KIAA2012: variants seen among roughly 807,000 people sequenced by gnomAD.
KIAA2012 encodes the protein KIAA2012.
Under a neutral mutation model 150.6 loss-of-function variants are expected in KIAA2012, and 125 were observed. The ratio of observed to expected loss-of-function variants is 0.83; its 90% CI spans 0.72 to 0.96. KIAA2012 has a LOEUF of 0.96. Ranked by LOEUF, KIAA2012 falls within the 40% of genes least tolerant of loss-of-function variation. The probability of loss-of-function intolerance (pLI) is 0.00; values close to 1 mark genes in which losing one functional copy is unlikely to be tolerated. For synonymous variants in KIAA2012, 462 were observed against 504.7 expected, an observed-to-expected ratio of 0.92 and a Z score of 1.13; for missense variants, 1,219 against 1,354.9, an observed-to-expected ratio of 0.90 and a Z score of 1.57.
In KIAA2012 at chr2:202,104,608, G is replaced by A. The variant is rs1198034128; in HGVS notation, c.1325-1153G>A. ...AATTCAGCCAGCTCTGCAGCATAGG[G>A]GCTATCCCTTGCTGTCTGGTACTGG... On this transcript the variant is annotated intron_variant, in intron 8 of 23. Transcript: ENST00000498697. This position sits in a 1 kb window ranked among gnomAD's most constrained non-coding sequence, Gnocchi z 4.3. Among the ~76,000 whole-genome samples, 1 of 152,198 alleles carries A rather than the reference G, an allele frequency of 6.6e-6. No individual in the cohort carries two copies. The highest frequency in any genetic ancestry group is 6.5e-5 in the Admixed American group (1 of 15,286).
chr2:202,084,942 G>T (rs192475147), intron 2 of KIAA2012, among the ~76,000 whole-genome samples: 1 of 152,154 alleles, frequency 6.6e-6, no homozygotes, highest in Admixed American at 6.5e-5. Flanking sequence ...TTTCCATCAT[G>T]ACTATACACA....
At chr2:202,182,599 A>G (rs1692143929) in intron 15 of KIAA2012, among the ~76,000 whole-genome samples, 1 of 152,200 alleles carries the variant, frequency 6.6e-6, no homozygotes, top group African/African-American at 2.4e-5. Context: ...GACCATTACA[A>G]ATAAAACTGC....
Position 202,088,728 on chromosome 2 carries a change from G to A in KIAA2012, c.370-2042G>A, listed in dbSNP as rs184430155. On this transcript the variant is annotated intron_variant, in intron 2 of 23. Coordinates refer to ENST00000498697, the MANE Select transcript of KIAA2012 (RefSeq NM_001277372.4). ...GGGCTAAATTATATAATGATTAGAC[G>A]ATTGAGAAGTGGTGGGGCTGAGATT... is the stretch of plus-strand genomic sequence containing the variant. 2.0e-5 allele frequency among the ~76,000 whole-genome samples: 3 copies of A among 152,278 alleles called. No homozygotes were observed. The East Asian group carries it at 5.8e-4, about 29-fold the overall frequency.
chr2:202,184,948 A>G, intron 16 of KIAA2012, 105 bp downstream of exon 16: 1 of 807,980 alleles, frequency 1.2e-6, no homozygotes, highest in Non-Finnish European at 1.9e-6. Context: ...GGGAGTTCTC[A>G]GCTGACAGTA....
At chr2:202,178,354 A>C (rs1692040165) in intron 15 of KIAA2012, among the ~76,000 whole-genome samples, 1 of 152,210 alleles carries the variant, frequency 6.6e-6, no homozygotes, top group South Asian at 2.1e-4. Flanking sequence ...TAAAAGTTGT[A>C]AGTTATTCAA....
At chr2:202,196,352 G>A (rs1223908596) in intron 21 of KIAA2012, among the ~76,000 whole-genome samples, 6 of 151,346 alleles carry the variant, frequency 4.0e-5, no homozygotes, top group Admixed American at 2.0e-4. Flanking sequence ...CTGCCACCAC[G>A]CCCCGCTAAT....
chr2:202,135,126 G>A (rs1385086918), intron 12 of KIAA2012, among the ~76,000 whole-genome samples: 1 of 152,230 alleles, frequency 6.6e-6, no homozygotes, highest in African/African-American at 2.4e-5. Flanking sequence ...CTAAAAGCCT[G>A]TGGTTAGATT....
intron 11 of KIAA2012, among the ~76,000 whole-genome samples, chr2:202,117,360 A>G (rs1690552848): frequency 6.6e-6 from 1 of 152,182 alleles, no homozygotes; most frequent in South Asian, 2.1e-4. Context: ...CTGTTCTCCC[A>G]TTTTTCCTTT....
intron 14 of KIAA2012, among the ~76,000 whole-genome samples, chr2:202,156,329 T>G (rs995134365): frequency 6.6e-6 from 1 of 152,240 alleles, no homozygotes; most frequent in African/African-American, 2.4e-5. Context: ...ATCCCTTTTA[T>G]TCTTAGCAAC....
intron 18 of KIAA2012, 74 bp from the exon 19 acceptor site, chr2:202,190,100 T>G: frequency 1.6e-6 from 2 of 1,247,994 alleles, no homozygotes; most frequent in South Asian, 1.8e-5. Context: ...AAAAAAAAAG[T>G]TACTAAAAAG....
chr2:202,155,232 C>G (rs1259892709), intron 14 of KIAA2012, among the ~76,000 whole-genome samples: 1 of 152,284 alleles, frequency 6.6e-6, no homozygotes, highest in South Asian at 2.1e-4. Context: ...CTGCAAATTC[C>G]TTTCTGGATA....
At chr2:202,101,697 G>A (rs1342803271) in intron 7 of KIAA2012, among the ~76,000 whole-genome samples, 2 of 152,158 alleles carry the variant, frequency 1.3e-5, no homozygotes, top group Non-Finnish European at 2.9e-5. Flanking sequence ...AAATGCACAA[G>A]GTCAGTATTC....
At chr2:202,103,157 A>T (rs768478050) in intron 8 of KIAA2012, 43 bp downstream of exon 8, 38 of 1,536,926 alleles carry the variant, frequency 2.5e-5, no homozygotes, top group East Asian at 2.2e-4. Flanking sequence ...AGAGCCTGGG[A>T]TGGGGGGTCC....
At chr2:202,197,858 T>A (rs1692441072) in intron 22 of KIAA2012, 1 of 78,124 alleles carries the variant, frequency 1.3e-5, no homozygotes. Context: ...AGCAAGACTC[T>A]CTTTAAAAAA....
intron 15 of KIAA2012, among the ~76,000 whole-genome samples, chr2:202,176,980 C>T (rs1574307528): frequency 6.6e-6 from 1 of 152,206 alleles, no homozygotes; most frequent in East Asian, 1.9e-4. Flanking sequence ...AACAGTGACT[C>T]ACCTAAAAAG....
In KIAA2012 at chr2:202,080,696, C is replaced by CA. The variant is rs59085497; in HGVS notation, c.369+5541dup. 6.0e-3 allele frequency among the ~76,000 whole-genome samples: 630 copies of CA among 104,692 alleles called. 8 individuals are homozygous for CA. Among genetic ancestry groups the CA allele is most frequent in the African/African-American group, 0.01 (302 of 28,880 alleles). 68.7% of individuals were successfully genotyped at this position (104,692 alleles called of 152,430 possible). Reference sequence around the variant, plus strand: ...GGGCAACAAGAGCGAAACTCCGTCTCAAAAAAAAAAAAAAAAAAAAGAAGG... The same window carrying CA: ...GGGCAACAAGAGCGAAACTCCGTCTCAAAAAAAAAAAAAAAAAAAAAGAAGG... On this transcript the variant is annotated intron_variant, in intron 2 of 23. Coordinates refer to ENST00000498697, the MANE Select transcript of KIAA2012 (RefSeq NM_001277372.4).
chr2:202,087,294 C>A (rs1452496950), intron 2 of KIAA2012, among the ~76,000 whole-genome samples: 1 of 152,034 alleles, frequency 6.6e-6, no homozygotes, highest in Admixed American at 6.5e-5. Context: ...AGGTGGATAA[C>A]TTAAAGTCAG....
chr2:202,115,154 T>G (rs1436287804), intron 11 of KIAA2012: 1 of 152,948 alleles, frequency 6.5e-6, no homozygotes, highest in Admixed American at 6.6e-5. Flanking sequence ...CTGAAAAAAA[T>G]TTTTCCTCTC....
At chr2:202,159,258 C>A (rs1258197195) in intron 14 of KIAA2012, among the ~76,000 whole-genome samples, 2 of 152,046 alleles carry the variant, frequency 1.3e-5, no homozygotes, top group Non-Finnish European at 1.5e-5. Context: ...TTTAAACGTG[C>A]CTTGATGACC....
Sources: allele counts gnomAD v4.1 joint callset (sites outside exome capture counted in the v4.1 genomes callset), GRCh38; gene constraint gnomAD v4.1.1; non-coding constraint Gnocchi (gnomAD v3.1); transcripts MANE v1.5; gene names NCBI Gene and HGNC (gene_info 2026-07-23, HGNC 2026-07-21).